Variants in WWOX observed in about 807,000 individuals in gnomAD.
The protein encoded by WWOX is WW domain-containing oxidoreductase.
A neutral mutation model predicts 46.2 loss-of-function variants in WWOX; 69 were observed. The ratio of observed to expected loss-of-function variants is 1.49; its 90% CI spans 1.23 to 1.82. The LOEUF (loss-of-function observed/expected upper bound fraction) is 1.82. WWOX is among the 40% of genes most tolerant of loss of function. WWOX has a pLI of 0.00. For synonymous variants in WWOX, 359 were observed against 202.6 expected, an observed-to-expected ratio of 1.77 and a Z score of -6.56; for missense variants, 919 against 542.6, an observed-to-expected ratio of 1.69 and a Z score of -6.89.
chr16:78,673,930 T>A (rs548775628), intron 8 of WWOX, among the ~76,000 whole-genome samples: 1 of 152,102 alleles, frequency 6.6e-6, no homozygotes, highest in East Asian at 1.9e-4. Flanking sequence ...ATTTGAGTTA[T>A]GAGGGTGTAT....
chr16:78,279,657 C>G (rs1037554930), intron 5 of WWOX, among the ~76,000 whole-genome samples: 2 of 152,092 alleles, frequency 1.3e-5, no homozygotes, highest in African/African-American at 2.4e-5. Context: ...ATGCCCCATG[C>G]CAGGAGAATG....
chr16:78,581,953 G>GTCAATT (rs2045067140), intron 8 of WWOX, among the ~76,000 whole-genome samples: 1 of 152,156 alleles, frequency 6.6e-6, no homozygotes, highest in Non-Finnish European at 1.5e-5. Context: ...CCTAGCATCT[G>GTCAATT]TGAAAATTGA....
intron 8 of WWOX, among the ~76,000 whole-genome samples, chr16:78,954,619 A>C (rs929677843): frequency 2.0e-5 from 3 of 152,186 alleles, no homozygotes; most frequent in African/African-American, 7.2e-5. Context: ...AATAAGAACA[A>C]ATAAGATACA....
rs200723066 is a variant in WWOX at position 78,232,128 on chromosome 16, T to TA, written c.516+67846dup. ...ACAAGTAAGTATACCTTATTTTTTT[T>TA]AAAAAAATGAATGTGGTATTTCACC... is the stretch of plus-strand genomic sequence containing the variant. On this transcript the variant is annotated intron_variant, in intron 5 of 8. Transcript: ENST00000566780. Among the ~76,000 whole-genome samples, 30 of 151,718 alleles carry TA rather than the reference T, an allele frequency of 2.0e-4. 1 individual carries two copies. Among genetic ancestry groups the TA allele is most frequent in the Non-Finnish European group, 1.0e-4 (7 of 67,956 alleles).
intron 8 of WWOX, among the ~76,000 whole-genome samples, chr16:79,193,174 A>T (rs1345252748): frequency 6.6e-6 from 1 of 152,222 alleles, no homozygotes; most frequent in Non-Finnish European, 1.5e-5. Flanking sequence ...CAGAACAGAA[A>T]GCACAGGTTA....
At chr16:79,198,265 G>A (rs1362714596) in intron 8 of WWOX, among the ~76,000 whole-genome samples, 1 of 152,226 alleles carries the variant, frequency 6.6e-6, no homozygotes, top group Non-Finnish European at 1.5e-5. Flanking sequence ...TTGAACCTGG[G>A]AGGCGGAGGT....
At chr16:78,954,794 T>C (rs1288778198) in intron 8 of WWOX, among the ~76,000 whole-genome samples, 2 of 152,108 alleles carry the variant, frequency 1.3e-5, no homozygotes, top group African/African-American at 2.4e-5. Flanking sequence ...TTATTTGTTA[T>C]TATTATGTTT....
intron 8 of WWOX, among the ~76,000 whole-genome samples, chr16:78,527,143 A>G (rs899202790): frequency 6.6e-6 from 1 of 152,210 alleles, no homozygotes; most frequent in Admixed American, 6.5e-5. Context: ...AGCCTGGGCA[A>G]AAAGAGCGGG....
chr16:78,532,299 G>C (rs1458759522), intron 8 of WWOX, among the ~76,000 whole-genome samples: 1 of 152,070 alleles, frequency 6.6e-6, no homozygotes, highest in Non-Finnish European at 1.5e-5. Context: ...TGCCATTTTG[G>C]CAACAGATGA....
At chr16:78,635,704 A>T (rs115128685) in intron 8 of WWOX, among the ~76,000 whole-genome samples, 2 of 152,170 alleles carry the variant, frequency 1.3e-5, no homozygotes, top group Non-Finnish European at 2.9e-5. Flanking sequence ...AGCGCTGTCA[A>T]CATCATCTCC....
At chr16:78,591,380 G>T (rs1482341425) in intron 8 of WWOX, among the ~76,000 whole-genome samples, 1 of 152,142 alleles carries the variant, frequency 6.6e-6, no homozygotes, top group Non-Finnish European at 1.5e-5. Flanking sequence ...TTTAGGCCAT[G>T]GAAGAGTAAC....
At chr16:79,133,801 C>T (rs1315310547) in intron 8 of WWOX, among the ~76,000 whole-genome samples, 1 of 152,128 alleles carries the variant, frequency 6.6e-6, no homozygotes, top group Non-Finnish European at 1.5e-5. Context: ...AGGGGAAATG[C>T]AGGATGTAAT....
intron 8 of WWOX, among the ~76,000 whole-genome samples, chr16:78,509,538 A>C (rs1458910149): frequency 1.3e-5 from 2 of 152,060 alleles, no homozygotes; most frequent in Non-Finnish European, 2.9e-5. Flanking sequence ...GCGGTTATCT[A>C]CGTCTGTTGT....
chr16:78,419,210 ACT>A (rs1167909162), intron 6 of WWOX, among the ~76,000 whole-genome samples: 5 of 152,120 alleles, frequency 3.3e-5, no homozygotes, highest in East Asian at 3.9e-4. Context: ...AGCTGACCAA[ACT>A]CTGCAAATTG....
chr16:78,310,993 G>A (rs922065192), intron 5 of WWOX, among the ~76,000 whole-genome samples: 5 of 152,198 alleles, frequency 3.3e-5, no homozygotes, highest in Admixed American at 6.5e-5. Context: ...AGCTGCCTGC[G>A]TGGCTTAGAG....
chr16:78,488,416 C>G (rs1291054224), intron 8 of WWOX, among the ~76,000 whole-genome samples: 1 of 152,046 alleles, frequency 6.6e-6, no homozygotes, highest in Non-Finnish European at 1.5e-5. Flanking sequence ...CACAGTGGTA[C>G]ACCTGAGCCC....
intron 8 of WWOX, among the ~76,000 whole-genome samples, chr16:79,179,161 A>G (rs996340552): frequency 1.3e-4 from 20 of 152,262 alleles, no homozygotes; most frequent in African/African-American, 4.6e-4. Context: ...TGGAAGGGAC[A>G]TAATTAAAAG....
chr16:78,130,685 A>G (rs1216600916), intron 4 of WWOX, among the ~76,000 whole-genome samples: 1 of 152,178 alleles, frequency 6.6e-6, no homozygotes, highest in Non-Finnish European at 1.5e-5. Context: ...GTGTGATGAT[A>G]TTGGACTCAC....
chr16:78,937,125 C>T (rs1254298240), intron 8 of WWOX, among the ~76,000 whole-genome samples: 1 of 152,028 alleles, frequency 6.6e-6, no homozygotes, highest in Non-Finnish European at 1.5e-5. Flanking sequence ...CATTCCAATT[C>T]CTAGATTTAA....
Sources: gnomAD v4.1 joint callset for allele counts (sites outside exome capture counted in the v4.1 genomes callset) on GRCh38, gnomAD v4.1.1 for gene constraint, MANE v1.5 for transcripts, NCBI Gene and HGNC (gene_info 2026-07-23, HGNC 2026-07-21) for gene names.